Variants in PSD3 observed in about 807,000 individuals in gnomAD.
PSD3 encodes PH and SEC7 domain-containing protein 3.
Under a neutral mutation model 105.5 loss-of-function variants are expected in PSD3, and 49 were observed. The ratio of observed to expected loss-of-function variants is 0.46; its 90% CI spans 0.37 to 0.59. The LOEUF (loss-of-function observed/expected upper bound fraction) is 0.59, where lower values mean the gene tolerates loss of function less well. Among genes scored for constraint, PSD3 ranks in the 20% least tolerant of loss-of-function variants. The pLI is 0.00. For synonymous variants in PSD3, 557 were observed against 457.8 expected, an observed-to-expected ratio of 1.22 and a Z score of -2.77; for missense variants, 1,561 against 1,263.8, an observed-to-expected ratio of 1.24 and a Z score of -3.57.
chr8:18,787,255 A>G (rs1332365839), intron 8 of PSD3, among the ~76,000 whole-genome samples: 3 of 152,224 alleles, frequency 2.0e-5, no homozygotes, highest in South Asian at 2.1e-4. Flanking sequence ...GCATGCCAAT[A>G]AAGTACTTTA....
chr8:18,553,237 G>A (rs1435916192), intron 15 of PSD3, among the ~76,000 whole-genome samples: 1 of 152,174 alleles, frequency 6.6e-6, no homozygotes, highest in Non-Finnish European at 1.5e-5. Context: ...TGTTGAGGAG[G>A]ACCCACCATA....
intron 2 of PSD3, among the ~76,000 whole-genome samples, chr8:18,907,253 C>T (rs1434346200): frequency 2.0e-5 from 3 of 152,174 alleles, no homozygotes; most frequent in African/African-American, 7.2e-5. Context: ...CCGATTCACT[C>T]AGAGCAACTT....
At position 18,528,411 on chromosome 8, in the gene PSD3, T is replaced by C. The variant is rs1022582631; in HGVS notation, c.*7332A>G. 4.6e-5 allele frequency: 7 copies of C among 152,188 alleles called. No individual in the cohort carries two copies. The highest frequency in any genetic ancestry group is 1.7e-4 in the African/African-American group (7 of 41,442). 9.4% of individuals were successfully genotyped at this position (152,188 alleles called of 1,614,324 possible). ...GGTGTTAACTTCACTCAGAGAATCT[T>C]TGTCATGACGTTTGTTCATGTGCCA... is the stretch of plus-strand genomic sequence containing the variant. On this transcript the variant is annotated 3_prime_UTR_variant, in exon 16 of 16. Coordinates refer to ENST00000327040, the MANE Select transcript of PSD3 (RefSeq NM_015310.4).
At chr8:18,538,535 T>G (rs1799959774) in intron 15 of PSD3, among the ~76,000 whole-genome samples, 1 of 152,188 alleles carries the variant, frequency 6.6e-6, no homozygotes. Context: ...AAACAAAGTT[T>G]GGTAAAATAG....
At chr8:18,859,527 T>C (rs2129454915) in intron 4 of PSD3, among the ~76,000 whole-genome samples, 1 of 152,374 alleles carries the variant, frequency 6.6e-6, no homozygotes, top group South Asian at 2.1e-4. Context: ...CTAGACAGCA[T>C]CTTTTTCCAA....
chr8:18,776,852 T>C (rs1434775651), intron 8 of PSD3, among the ~76,000 whole-genome samples: 9 of 152,180 alleles, frequency 5.9e-5, no homozygotes, highest in Admixed American at 5.9e-4. Context: ...ATCTTCTTGG[T>C]AGTTTGTATG....
intron 9 of PSD3, among the ~76,000 whole-genome samples, chr8:18,726,077 T>C (rs1416531203): frequency 1.3e-5 from 2 of 152,196 alleles, no homozygotes; most frequent in South Asian, 2.1e-4. Context: ...ATGGACGTTA[T>C]TGAAAGACAG....
chr8:18,790,078 A>C (rs572193211), intron 8 of PSD3, among the ~76,000 whole-genome samples: 2 of 152,184 alleles, frequency 1.3e-5, no homozygotes, highest in South Asian at 4.2e-4. Context: ...GAGGGTGGGG[A>C]AAGGGGACAG....
At chr8:18,650,520 C>A (rs1379806146) in intron 10 of PSD3, among the ~76,000 whole-genome samples, 1 of 152,218 alleles carries the variant, frequency 6.6e-6, no homozygotes, top group East Asian at 1.9e-4. Flanking sequence ...AGACCTTCCA[C>A]AAGTCAATTT....
chr8:18,648,077 T>C (rs1243086492), intron 10 of PSD3, among the ~76,000 whole-genome samples: 3 of 152,152 alleles, frequency 2.0e-5, no homozygotes, highest in African/African-American at 7.2e-5. Flanking sequence ...TTTATGGCAG[T>C]GCCAGAATAA....
intron 9 of PSD3, among the ~76,000 whole-genome samples, chr8:18,705,644 C>A (rs1801852045): frequency 6.7e-6 from 1 of 149,806 alleles, no homozygotes; most frequent in Non-Finnish European, 1.5e-5. Context: ...ATGTAAAGAT[C>A]TTTTTAGTAT....
chr8:18,979,162 C>T lies in PSD3; in HGVS notation c.21+34401G>A, dbSNP rs199734503. Among the ~76,000 whole-genome samples, 9 of 149,704 alleles carry T rather than the reference C, an allele frequency of 6.0e-5. No individual in the cohort carries two copies. The East Asian group carries it at 1.7e-3, about 29-fold the overall frequency. ...ATACAGTCACTAAACGGGAAACCAC[C>T]AAGACACTGGGGGGCGGCCAGCACA... On this transcript the variant is annotated intron_variant, in intron 1 of 15. Coordinates refer to ENST00000327040, the MANE Select transcript of PSD3 (RefSeq NM_015310.4).
chr8:19,083,386 C>T (rs1180915459), intron 1 of PSD3, among the ~76,000 whole-genome samples: 1 of 152,126 alleles, frequency 6.6e-6, no homozygotes, highest in East Asian at 1.9e-4. Context: ...GAGATGCTAA[C>T]AACAAGGGCA....
chr8:18,787,879 G>C (rs965283158), intron 8 of PSD3, among the ~76,000 whole-genome samples: 1 of 152,142 alleles, frequency 6.6e-6, no homozygotes. Context: ...CCAAGCTCTA[G>C]CAGGTTTCGT....
intron 1 of PSD3, among the ~76,000 whole-genome samples, chr8:19,075,273 T>C: frequency 6.6e-6 from 1 of 152,284 alleles, no homozygotes; most frequent in African/African-American, 2.4e-5. Context: ...TTAAAGTAGA[T>C]TTATTTTCCT....
At chr8:18,561,437 A>G (rs1585243694) in intron 14 of PSD3, among the ~76,000 whole-genome samples, 2 of 152,308 alleles carry the variant, frequency 1.3e-5, no homozygotes, top group South Asian at 4.1e-4. Context: ...ACTCATAGAA[A>G]TAAGGAGAAT....
rs760648866 is a variant in PSD3, at chr8:18,808,779, G to C, written c.1635-3881C>G. ...CCAGCAACCATACAGACACCAAGAAGAGCCCATCGCAACCCCTGGGGTGCG... is the reference window on the plus strand; with the variant it reads ...CCAGCAACCATACAGACACCAAGAACAGCCCATCGCAACCCCTGGGGTGCG... On this transcript the variant is annotated intron_variant, in intron 4 of 15. Coordinates refer to ENST00000327040, the MANE Select transcript of PSD3 (RefSeq NM_015310.4). 2.9e-5 allele frequency: 47 copies of C among 1,613,868 alleles called. No individual in the cohort carries two copies. The South Asian group carries it at 5.2e-4, about 18-fold the overall frequency.
At chr8:18,770,233 C>G (rs975401258) in intron 8 of PSD3, among the ~76,000 whole-genome samples, 2 of 152,104 alleles carry the variant, frequency 1.3e-5, no homozygotes, top group Non-Finnish European at 2.9e-5. Context: ...TGACCCTCAG[C>G]TTTTTTTCAT....
chr8:18,567,168 A>G (rs1047989110), intron 14 of PSD3, among the ~76,000 whole-genome samples: 1 of 152,180 alleles, frequency 6.6e-6, no homozygotes, highest in Non-Finnish European at 1.5e-5. Context: ...TCTCCCCTGG[A>G]TCTTTTATAG....
Sources: gnomAD v4.1 joint callset for allele counts (sites outside exome capture counted in the v4.1 genomes callset) on GRCh38, gnomAD v4.1.1 for gene constraint, MANE v1.5 for transcripts, NCBI Gene and HGNC (gene_info 2026-07-23, HGNC 2026-07-21) for gene names.